Variants in PTPRG observed in about 807,000 individuals in gnomAD.
The protein encoded by PTPRG is receptor-type tyrosine-protein phosphatase gamma.
PTPRG carries 102 observed loss-of-function variants against 165.3 expected under a neutral mutation model. That is an observed-to-expected ratio of 0.62 (90% CI 0.53 to 0.73). The LOEUF (loss-of-function observed/expected upper bound fraction) is 0.73. Ranked by LOEUF, PTPRG falls within the 30% of genes least tolerant of loss-of-function variation. The pLI, the probability that PTPRG is intolerant of heterozygous loss-of-function variation, is 0.00. For synonymous variants in PTPRG, 675 were observed against 669.5 expected, an observed-to-expected ratio of 1.01 and a Z score of -0.13; for missense variants, 1,866 against 1,861.4, an observed-to-expected ratio of 1.00 and a Z score of -0.05.
At chr3:62,105,980 C>A (rs539264697) in intron 5 of PTPRG, among the ~76,000 whole-genome samples, 87 of 152,286 alleles carry the variant, frequency 5.7e-4, no homozygotes, top group African/African-American at 1.9e-3. Context: ...GAAACATTAA[C>A]ACATTTAGAG....
At chr3:61,783,854 G>A (rs1193367671) in intron 2 of PTPRG, among the ~76,000 whole-genome samples, 2 of 152,124 alleles carry the variant, frequency 1.3e-5, no homozygotes, top group Non-Finnish European at 2.9e-5. Context: ...CCAAGTTTTG[G>A]ACTCTAAAGT....
intron 4 of PTPRG, among the ~76,000 whole-genome samples, chr3:62,022,853 AG>A (rs1241294239): frequency 6.6e-6 from 1 of 152,198 alleles, no homozygotes; most frequent in Non-Finnish European, 1.5e-5. Flanking sequence ...CAAAAATAAA[AG>A]CTATTATTTT....
intron 2 of PTPRG, among the ~76,000 whole-genome samples, chr3:61,974,188 T>C (rs2107665679): frequency 6.6e-6 from 1 of 152,296 alleles, no homozygotes; most frequent in Non-Finnish European, 1.5e-5. Flanking sequence ...GCAGACTGTC[T>C]TAGTACACAA....
chr3:62,001,524 C>T (rs2041172151), intron 3 of PTPRG, among the ~76,000 whole-genome samples: 1 of 151,856 alleles, frequency 6.6e-6, no homozygotes, highest in Non-Finnish European at 1.5e-5. Flanking sequence ...GAGCTAATGC[C>T]TAGATGTTTT....
intron 1 of PTPRG, among the ~76,000 whole-genome samples, chr3:61,730,087 C>G (rs534162402): frequency 6.6e-6 from 1 of 152,316 alleles, no homozygotes; most frequent in African/African-American, 2.4e-5. Flanking sequence ...GCTGCGATTT[C>G]TTTGACTGAA....
intron 2 of PTPRG, among the ~76,000 whole-genome samples, chr3:61,918,362 G>GTATATATATA (rs143655937): frequency 6.6e-6 from 1 of 151,038 alleles, no homozygotes; most frequent in African/African-American, 2.4e-5. Context: ...TGGGAAATAT[G>GTATATATATA]TATATATATA....
At chr3:61,576,748 T>C (rs1418632167) in intron 1 of PTPRG, among the ~76,000 whole-genome samples, 2 of 152,174 alleles carry the variant, frequency 1.3e-5, no homozygotes, top group African/African-American at 4.8e-5. Flanking sequence ...ATTTTTAAGG[T>C]TTGCTTGTCC....
intron 2 of PTPRG, among the ~76,000 whole-genome samples, chr3:61,813,327 T>TAAAAAAAAAAAAAAAAAA (rs757811011): frequency 2.3e-5 from 2 of 87,500 alleles, no homozygotes; most frequent in African/African-American, 4.4e-5. Context: ...CCATGATTAC[T>TAAAAAAAAAAAAAAAAAA]AAAAAAAAAA....
At chr3:62,139,346 C>T (rs1480805027) in intron 6 of PTPRG, among the ~76,000 whole-genome samples, 1 of 152,066 alleles carries the variant, frequency 6.6e-6, no homozygotes, top group Non-Finnish European at 1.5e-5. Flanking sequence ...GTAATCTTAG[C>T]TACTCGGGAG....
chr3:62,167,055 T>C (rs1705016516), intron 7 of PTPRG, among the ~76,000 whole-genome samples: 1 of 152,180 alleles, frequency 6.6e-6, no homozygotes, highest in African/African-American at 2.4e-5. Context: ...CCATAAAAGT[T>C]AGATCGGCAG....
intron 1 of PTPRG, among the ~76,000 whole-genome samples, chr3:61,588,527 C>T (rs977178665): frequency 1.0e-4 from 15 of 150,494 alleles, no homozygotes; most frequent in African/African-American, 3.5e-4. Context: ...CTCACTGCAA[C>T]CTCCACCTCC....
At chr3:61,586,831 C>T (rs1273290298) in intron 1 of PTPRG, among the ~76,000 whole-genome samples, 2 of 152,204 alleles carry the variant, frequency 1.3e-5, no homozygotes, top group African/African-American at 2.4e-5. Flanking sequence ...ACTGGGCTAC[C>T]GTGTTCTCTC....
chr3:62,038,437 A>G (rs1003510092), intron 4 of PTPRG, among the ~76,000 whole-genome samples: 1 of 152,226 alleles, frequency 6.6e-6, no homozygotes, highest in East Asian at 1.9e-4. Context: ...TTGCTCTGTC[A>G]CCCAGGTTGG....
At chr3:62,127,066 A>G (rs767813082) in intron 5 of PTPRG, among the ~76,000 whole-genome samples, 16 of 152,246 alleles carry the variant, frequency 1.1e-4, no homozygotes, top group Non-Finnish European at 1.3e-4. Context: ...ATTGTTTTCA[A>G]TATAGCTCAG....
chr3:61,669,368 A>G (rs1336952499), intron 1 of PTPRG, among the ~76,000 whole-genome samples: 2 of 148,964 alleles, frequency 1.3e-5, no homozygotes, highest in Non-Finnish European at 3.0e-5. Flanking sequence ...GGATGCTGGT[A>G]CCGGTATCAA....
In PTPRG at chr3:62,245,893, C is replaced by T. The variant is rs1298700139; in HGVS notation, c.2467+1995C>T. ...TTGAATCACTCTTCTTTGATATAGG[C>T]TTTAGAACTTTCAATTCACTAGGAT... On this transcript the variant is annotated intron_variant, in intron 15 of 29. Transcript: ENST00000474889. This position sits in a 1 kb window ranked among gnomAD's most constrained non-coding sequence, Gnocchi z 4.2. 6.6e-6 allele frequency among the ~76,000 whole-genome samples: 1 copy of T among 152,046 alleles called. No individual in the cohort carries two copies. Among genetic ancestry groups the T allele is most frequent in the Non-Finnish European group, 1.5e-5 (1 of 67,992 alleles).
At chr3:61,908,431 A>G (rs1000002833) in intron 2 of PTPRG, among the ~76,000 whole-genome samples, 113 of 151,864 alleles carry the variant, frequency 7.4e-4, no homozygotes, top group Non-Finnish European at 1.3e-3. Context: ...AAAAAAAAAA[A>G]AAATCAGTTT....
intron 4 of PTPRG, among the ~76,000 whole-genome samples, chr3:62,017,356 A>T (rs2041569763): frequency 6.6e-6 from 1 of 152,140 alleles, no homozygotes; most frequent in Non-Finnish European, 1.5e-5. Context: ...TCCCAAATAA[A>T]CACATTCATC....
rs766226519 is a variant in PTPRG at position 62,203,263 on chromosome 3, G to C, written c.1468G>C (p.Val490Leu). 5 of 1,613,856 alleles carry C rather than the reference G, an allele frequency of 3.1e-6. No individual in the cohort carries two copies. Among genetic ancestry groups the C allele is most frequent in the Non-Finnish European group, 4.2e-6 (5 of 1,180,010 alleles). Residue 490 changes from valine (V) to leucine (L), a missense_variant, in exon 12 of 30, where the codon GTT becomes CTT. Val to Leu is a conservative substitution (Grantham distance 32). This residue lies in a region of PTPRG where 1,452 missense variants were observed against 1,463.0 expected (regional missense o/e 0.99). Coordinates refer to ENST00000474889, the MANE Select transcript of PTPRG (RefSeq NM_002841.4). The surrounding 1 kb of genome is among the most constrained non-coding windows in gnomAD (Gnocchi z 6.4). ...GTCCTCTGGCATCCCATTCTCATTT[G>C]TTTCCATGGCAACTGGGATGGGCCC... is the stretch of plus-strand genomic sequence containing the variant. ...WTSSGIPFSF[V>L]SMATGMGPSS... is the part of the protein sequence containing the mutation.
Sources: gnomAD v4.1 joint callset for allele counts (sites outside exome capture counted in the v4.1 genomes callset) on GRCh38, gnomAD v4.1.1 for gene constraint, gnomAD v4.1.1 regional missense constraint, Gnocchi (gnomAD v3.1) non-coding constraint, MANE v1.5 for transcripts, NCBI Gene and HGNC (gene_info 2026-07-23, HGNC 2026-07-21) for gene names.